Variants in MYCBP2 observed in about 807,000 individuals in gnomAD.
The protein encoded by MYCBP2 is MYC binding protein 2.
MYCBP2 carries 120 observed loss-of-function variants against 525.3 expected under a neutral mutation model. That is an observed-to-expected ratio of 0.23 (90% confidence interval 0.20 to 0.27). MYCBP2 has a LOEUF of 0.27. Ranked by LOEUF, MYCBP2 falls within the 10% of genes least tolerant of loss-of-function variation. The pLI is 1.00. For missense variants in MYCBP2, 4,149 were observed against 5,657.1 expected (o/e 0.73, Z 8.55); for synonymous variants, 1,894 against 1,955.8 (o/e 0.97, Z 0.83).
At chr13:77,198,515 C>T (rs769178439) in intron 26 of MYCBP2, among the ~76,000 whole-genome samples, 4 of 152,122 alleles carry the variant, frequency 2.6e-5, no homozygotes, top group Non-Finnish European at 5.9e-5. Context: ...TTTTGTGAAG[C>T]CTGCTATTGA....
chr13:77,246,988 T>C (rs1480579523), intron 15 of MYCBP2, among the ~76,000 whole-genome samples: 2 of 152,018 alleles, frequency 1.3e-5, no homozygotes, highest in African/African-American at 4.8e-5. Flanking sequence ...AAACCACATA[T>C]GAAAAACACA....
chr13:77,287,313 T>A (rs893592908), intron 3 of MYCBP2, among the ~76,000 whole-genome samples: 1 of 151,622 alleles, frequency 6.6e-6, no homozygotes, highest in Non-Finnish European at 1.5e-5. Flanking sequence ...AGCCTCTGAG[T>A]AGCTGGGATT....
intron 4 of MYCBP2, among the ~76,000 whole-genome samples, chr13:77,275,587 G>C (rs140868200): frequency 5.1e-4 from 77 of 152,296 alleles, no homozygotes; most frequent in African/African-American, 1.9e-3. Flanking sequence ...TACTTGGGAG[G>C]TGGAGGCAGG....
chr13:77,324,046 T>A (rs1005299553), intron 1 of MYCBP2, among the ~76,000 whole-genome samples: 5 of 152,150 alleles, frequency 3.3e-5, no homozygotes, highest in African/African-American at 1.2e-4. Flanking sequence ...CAACCTCCTA[T>A]ACTTGAATAT....
chr13:77,184,374 A>G (rs1270357123), intron 32 of MYCBP2, among the ~76,000 whole-genome samples: 1 of 152,168 alleles, frequency 6.6e-6, no homozygotes, highest in Non-Finnish European at 1.5e-5. Flanking sequence ...ATCTTTTGAA[A>G]TTTATTAAGA....
intron 26 of MYCBP2, among the ~76,000 whole-genome samples, chr13:77,196,441 A>G (rs2061758390): frequency 6.6e-6 from 1 of 152,236 alleles, no homozygotes; most frequent in African/African-American, 2.4e-5. Flanking sequence ...TGGGGTGAGG[A>G]CAGACGTAGA....
At chr13:77,319,240 T>C (rs1300913681) in intron 1 of MYCBP2, among the ~76,000 whole-genome samples, 1 of 152,044 alleles carries the variant, frequency 6.6e-6, no homozygotes, top group African/African-American at 2.4e-5. Flanking sequence ...GAGGAGGAGC[T>C]GGGGGTAAGA....
In MYCBP2 at chr13:77,070,268, T is replaced by C. The variant is rs145299813; in HGVS notation, c.11904+363A>G. On this transcript the variant is annotated intron_variant, in intron 69 of 82. Transcript: ENST00000544440. ...TGCAGGACCTATAAAAGGGCGAGCA[T>C]AAAAAAGCCTTCATAAATTTTTCAA... is the stretch of plus-strand genomic sequence containing the variant. 3.3e-3 allele frequency among the ~76,000 whole-genome samples: 508 copies of C among 152,296 alleles called. 4 individuals are homozygous for C. The highest frequency in any genetic ancestry group is 0.012 in the African/African-American group (478 of 41,556).
intron 59 of MYCBP2, among the ~76,000 whole-genome samples, chr13:77,090,977 T>A (rs1254256166): frequency 6.6e-6 from 1 of 152,194 alleles, no homozygotes; most frequent in Non-Finnish European, 1.5e-5. Flanking sequence ...TTCTCTTTCT[T>A]ATTTCTCTAA....
At chr13:77,142,152 C>T (rs1217883585) in intron 49 of MYCBP2, among the ~76,000 whole-genome samples, 1 of 152,134 alleles carries the variant, frequency 6.6e-6, no homozygotes, top group Admixed American at 6.6e-5. Flanking sequence ...TTCACAATGT[C>T]ATTCTTGGCT....
Position 77,288,237 on chromosome 13 carries a change from T to G in MYCBP2, c.518A>C (p.Lys173Thr), listed in dbSNP as rs2077094384. The G allele has an allele frequency of 6.2e-7, 1 of 1,614,212 alleles. No individual in the cohort carries two copies. The highest frequency in any genetic ancestry group is 8.5e-7 in the Non-Finnish European group (1 of 1,180,040). The change falls in exon 3 of 83, where the codon AAG (lysine) becomes ACG (threonine). Residue 173 changes from lysine (K) to threonine (T), a missense_variant. By Grantham distance (78) the Lys-to-Thr change is moderately conservative (BLOSUM62 -1). Transcript: ENST00000544440. Reference sequence around the variant, plus strand: ...TGATTCTCCACTCTGCACAGAGTTCTTAGATGCGGCTGCCAATGATATTTC... The same window carrying G: ...TGATTCTCCACTCTGCACAGAGTTCGTAGATGCGGCTGCCAATGATATTTC... ...KKEISLAAAS[K>T]NSVQSGESDS... is the part of the protein sequence containing the mutation.
intron 2 of MYCBP2, among the ~76,000 whole-genome samples, chr13:77,290,328 G>C (rs1021828598): frequency 6.6e-6 from 1 of 152,140 alleles, no homozygotes; most frequent in Non-Finnish European, 1.5e-5. Flanking sequence ...CTAAATATGT[G>C]CTTACCATAT....
intron 55 of MYCBP2, among the ~76,000 whole-genome samples, chr13:77,105,847 TGCCCTCATAAAC>T (rs1291037542): frequency 6.6e-6 from 1 of 152,180 alleles, no homozygotes; most frequent in Non-Finnish European, 1.5e-5. Context: ...TACTATAGTT[TGCCCTCATAAAC>T]AACATGGTTC....
At position 77,061,546 on chromosome 13, in the gene MYCBP2, AC is replaced by A. The variant is rs1334269440; in HGVS notation, c.12903+115del. On this transcript the variant is annotated intron_variant, in intron 75 of 82. Transcript: ENST00000544440. Reference sequence around the variant, plus strand: ...GGTAAGCGAGACAGCTGTGAACTCAACCAAGGTCTTTGATTCCAAAGTCCAC... The same window carrying A: ...GGTAAGCGAGACAGCTGTGAACTCAACAAGGTCTTTGATTCCAAAGTCCAC... 8 of 1,254,338 alleles carry A rather than the reference AC, an allele frequency of 6.4e-6. No individual in the cohort carries two copies. The East Asian group carries it at 2.1e-4, about 32-fold the overall frequency. 77.7% of individuals were successfully genotyped at this position (1,254,338 alleles called of 1,614,324 possible). A position where few individuals can be genotyped will look rare whatever the true frequency, so the allele number is the denominator to read the frequency against.
Position 77,257,792 on chromosome 13 carries a change from C to G in MYCBP2, c.2055G>C (p.Gln685His), listed in dbSNP as rs139678705. 8.6e-5 allele frequency: 139 copies of G among 1,610,826 alleles called. No homozygotes were observed. The African/African-American group carries it at 1.6e-3, about 19-fold the overall frequency. The change falls in exon 14 of 83, where the codon CAG becomes CAC. Residue 685 changes from glutamine to histidine, a missense_variant. Coordinates refer to ENST00000544440, the MANE Select transcript of MYCBP2 (RefSeq NM_015057.5). ...AAGTGTGAGCTTTGCCCATAGCTAC[C>G]TGAGTTACAAAATGGCCCTTCAAAT... The part of the protein sequence containing the change: ...VTDLKGHFVT[Q>H]VAMGKAHTCV...
chr13:77,174,129 T>G (rs1024808268), intron 37 of MYCBP2, among the ~76,000 whole-genome samples, 182 bp downstream of exon 37: 1 of 152,260 alleles, frequency 6.6e-6, no homozygotes, highest in East Asian at 1.9e-4. Flanking sequence ...TTAACTTTTG[T>G]AGCAAACATT....
chr13:77,061,447 T>A (rs1417776017), intron 75 of MYCBP2, 146 bp from the exon 76 acceptor site: 1 of 900,266 alleles, frequency 1.1e-6, no homozygotes, highest in Non-Finnish European at 1.6e-6. Flanking sequence ...CTCTTTAATC[T>A]TCACAGCAGT....
chr13:77,326,050 A>C lies in MYCBP2; in HGVS notation c.302+424T>G, dbSNP rs886608510. On this transcript the variant is annotated intron_variant, in intron 1 of 82. Transcript: ENST00000544440. The surrounding 1 kb of genome is among the most constrained non-coding windows in gnomAD (Gnocchi z 4.2). ...GCACGTGCAAATAACATTGCGGCAGAGACACTGAAAACGCCACTTCCCTTG... is the reference window on the plus strand; with the variant it reads ...GCACGTGCAAATAACATTGCGGCAGCGACACTGAAAACGCCACTTCCCTTG... Among the ~76,000 whole-genome samples, 4 of 152,098 alleles carry C rather than the reference A, an allele frequency of 2.6e-5. No homozygotes were observed. The highest frequency in any genetic ancestry group is 2.0e-4 in the Admixed American group (3 of 15,274).
intron 68 of MYCBP2, among the ~76,000 whole-genome samples, chr13:77,074,627 A>G (rs1361405948): frequency 6.6e-6 from 1 of 152,252 alleles, no homozygotes. Flanking sequence ...AAAAAATGAA[A>G]GGATAAACAA....
Sources: gnomAD v4.1 joint callset for allele counts (sites outside exome capture counted in the v4.1 genomes callset) on GRCh38, gnomAD v4.1.1 for gene constraint, Gnocchi (gnomAD v3.1) non-coding constraint, MANE v1.5 for transcripts, NCBI Gene and HGNC (gene_info 2026-07-23, HGNC 2026-07-21) for gene names.